STAU2: variants seen among roughly 807,000 people sequenced by gnomAD.
STAU2 encodes staufen double-stranded RNA binding protein 2, also known as double-stranded RNA-binding protein Staufen homolog 2.
A neutral mutation model predicts 65.9 loss-of-function variants in STAU2; 20 were observed. The ratio of observed to expected loss-of-function variants is 0.30; its 90% confidence interval spans 0.21 to 0.44. The LOEUF (loss-of-function observed/expected upper bound fraction) is 0.44. STAU2 is among the 20% of genes least tolerant of loss of function. The probability of loss-of-function intolerance (pLI) is 1.00; values close to 1 mark genes in which losing one functional copy is unlikely to be tolerated. For missense variants in STAU2, 558 were observed against 683.9 expected, an observed-to-expected ratio of 0.82 and a Z score of 2.05; for synonymous variants, 232 against 233.9, an observed-to-expected ratio of 0.99 and a Z score of 0.07.
At chr8:73,505,980 G>A (rs1585893179) in intron 13 of STAU2, among the ~76,000 whole-genome samples, 1 of 151,986 alleles carries the variant, frequency 6.6e-6, no homozygotes, top group Admixed American at 6.6e-5. Context: ...CATGTGACAC[G>A]CCTGCTCCCA....
chr8:73,434,039 G>A (rs547368689), intron 13 of STAU2, among the ~76,000 whole-genome samples: 2 of 152,006 alleles, frequency 1.3e-5, no homozygotes, highest in East Asian at 3.9e-4. Context: ...GAATGGTGAC[G>A]TGGGAAGGTT....
At chr8:73,617,515 G>A (rs1812915439) in intron 6 of STAU2, 64 bp from the exon 7 acceptor site, 15 of 1,479,094 alleles carry the variant, frequency 1.0e-5, no homozygotes, top group Non-Finnish European at 1.4e-5. Context: ...TCATTCATAA[G>A]ATTTGTTTAA....
intron 12 of STAU2, among the ~76,000 whole-genome samples, chr8:73,555,689 A>C (rs1475080898): frequency 1.3e-5 from 2 of 152,220 alleles, no homozygotes; most frequent in African/African-American, 4.8e-5. Flanking sequence ...TGTAATCTAG[A>C]GAAGATTTAA....
rs1188310811 is a variant in STAU2, at chr8:73,709,036, G to C, written c.110C>G (p.Ser37Ter). The change falls in exon 4 of 15, where the codon TCA (serine) becomes TGA (stop). Residue 37 changes from serine to a stop codon, truncating the protein, a stop_gained. Coordinates refer to ENST00000524300, the MANE Select transcript of STAU2 (RefSeq NM_001164380.2). LOFTEE classifies it high-confidence loss of function. ...KLLNERGPAH[S>*]KMFSVQLSLG... ...CACCTCTCTTCATAACCTTACCTTT[G>C]AATGAGCAGGCCCTCTTTCATTCAG... is the stretch of plus-strand genomic sequence containing the variant. The C allele has an allele frequency of 1.2e-5, 18 of 1,523,194 alleles. No individual in the cohort carries two copies. Among genetic ancestry groups the C allele is most frequent in the Non-Finnish European group, 1.3e-5 (15 of 1,140,886 alleles). 94.4% of individuals were successfully genotyped at this position (1,523,194 alleles called of 1,614,324 possible). A position where few individuals can be genotyped will look rare whatever the true frequency, so the allele number is the denominator to read the frequency against.
At chr8:73,742,830 A>G (rs1287626702) in intron 1 of STAU2, among the ~76,000 whole-genome samples, 1 of 152,186 alleles carries the variant, frequency 6.6e-6, no homozygotes, top group East Asian at 1.9e-4. Flanking sequence ...CATTTTGCCC[A>G]TCTGAGAAAT....
intron 11 of STAU2, among the ~76,000 whole-genome samples, chr8:73,592,823 C>CA (rs1810920992): frequency 6.6e-6 from 1 of 152,132 alleles, no homozygotes; most frequent in African/African-American, 2.4e-5. Flanking sequence ...CGCACCACTG[C>CA]ACTCCAGCCT....
At chr8:73,680,421 G>C (rs1818350732) in intron 5 of STAU2, among the ~76,000 whole-genome samples, 1 of 152,144 alleles carries the variant, frequency 6.6e-6, no homozygotes, top group Non-Finnish European at 1.5e-5. Context: ...GGGAAACGGG[G>C]AGAGAACCAC....
At chr8:73,650,000 C>T (rs1815738532) in intron 6 of STAU2, among the ~76,000 whole-genome samples, 1 of 149,922 alleles carries the variant, frequency 6.7e-6, no homozygotes, top group South Asian at 2.1e-4. Context: ...CTGGTCAAAA[C>T]TGGAAACTGA....
intron 12 of STAU2, among the ~76,000 whole-genome samples, chr8:73,558,987 C>G (rs1563421601): frequency 6.6e-6 from 1 of 151,980 alleles, no homozygotes; most frequent in Non-Finnish European, 1.5e-5. Context: ...GAAACAGGGG[C>G]TTCTGGTTCA....
chr8:73,597,274 A>G (rs894134350), intron 10 of STAU2, among the ~76,000 whole-genome samples: 11 of 143,834 alleles, frequency 7.6e-5, no homozygotes, highest in Admixed American at 6.1e-4. Context: ...TTTTTAAAAA[A>G]GAAAAGAAGA....
chr8:73,559,339 G>T (rs1808023446), intron 12 of STAU2, among the ~76,000 whole-genome samples: 1 of 152,214 alleles, frequency 6.6e-6, no homozygotes, highest in South Asian at 2.1e-4. Context: ...TGGTGATGGG[G>T]ACACCAAAGT....
At chr8:73,466,157 A>G (rs895750354) in intron 13 of STAU2, among the ~76,000 whole-genome samples, 1 of 152,254 alleles carries the variant, frequency 6.6e-6, no homozygotes, top group Non-Finnish European at 1.5e-5. Flanking sequence ...TGTAGACCTC[A>G]CAAATGTAAA....
intron 4 of STAU2, among the ~76,000 whole-genome samples, chr8:73,702,840 A>C (rs1393623622): frequency 6.6e-6 from 1 of 152,204 alleles, no homozygotes; most frequent in Non-Finnish European, 1.5e-5. Flanking sequence ...CCACAATGAG[A>C]TTCCACCACA....
chr8:73,673,526 AC>A (rs1403408113), intron 5 of STAU2, among the ~76,000 whole-genome samples: 1 of 152,136 alleles, frequency 6.6e-6, no homozygotes, highest in Non-Finnish European at 1.5e-5. Context: ...TAGATTGCTA[AC>A]CGTGAATATT....
At chr8:73,438,519 G>A (rs564676140) in intron 13 of STAU2, among the ~76,000 whole-genome samples, 1 of 152,340 alleles carries the variant, frequency 6.6e-6, no homozygotes, top group East Asian at 1.9e-4. Flanking sequence ...GGGAATCCAG[G>A]ACACCGTGAG....
At chr8:73,473,374 G>A (rs948005495) in intron 13 of STAU2, among the ~76,000 whole-genome samples, 4 of 152,144 alleles carry the variant, frequency 2.6e-5, no homozygotes, top group Admixed American at 6.5e-5. Context: ...TAGGTAAGTC[G>A]AATGATAGAA....
At chr8:73,446,244 A>G (rs1818460176) in intron 13 of STAU2, among the ~76,000 whole-genome samples, 1 of 152,252 alleles carries the variant, frequency 6.6e-6, no homozygotes, top group Non-Finnish European at 1.5e-5. Context: ...ATAAAAGCAT[A>G]GAGATGGAGA....
chr8:73,423,784 G>A (rs1816578359), intron 13 of STAU2, among the ~76,000 whole-genome samples: 1 of 152,148 alleles, frequency 6.6e-6, no homozygotes, highest in Admixed American at 6.5e-5. Flanking sequence ...ACTTGGGCAG[G>A]TAGTACACAG....
intron 13 of STAU2, among the ~76,000 whole-genome samples, chr8:73,484,730 G>T (rs1820822750): frequency 6.6e-6 from 1 of 152,010 alleles, no homozygotes; most frequent in Admixed American, 6.6e-5. Flanking sequence ...ACCAGCCTGT[G>T]ATTCCCAGTT....
Sources: gnomAD v4.1 joint callset for allele counts (sites outside exome capture counted in the v4.1 genomes callset) on GRCh38, gnomAD v4.1.1 for gene constraint, MANE v1.5 for transcripts, NCBI Gene and HGNC (gene_info 2026-07-23, HGNC 2026-07-21) for gene names.